Variants in CLIP2 observed in about 807,000 individuals in gnomAD.
The protein encoded by CLIP2 is CAP-Gly domain-containing linker protein 2.
Under a neutral mutation model 111.7 loss-of-function variants are expected in CLIP2, and 41 were observed. That is an observed-to-expected ratio of 0.37 (90% CI 0.29 to 0.48). The LOEUF (loss-of-function observed/expected upper bound fraction) is 0.48, where lower values mean the gene tolerates loss of function less well. Ranked by LOEUF, CLIP2 falls within the 20% of genes least tolerant of loss-of-function variation. The pLI is 0.99. For missense variants in CLIP2, 1,160 were observed against 1,422.1 expected, an observed-to-expected ratio of 0.82 and a Z score of 2.96; for synonymous variants, 660 against 644.2, an observed-to-expected ratio of 1.02 and a Z score of -0.37.
intron 5 of CLIP2, among the ~76,000 whole-genome samples, chr7:74,356,871 C>T (rs560839284): frequency 6.6e-6 from 1 of 152,234 alleles, no homozygotes; most frequent in Admixed American, 6.5e-5. Context: ...TATACAGATG[C>T]AGGGCAGGGA....
At chr7:74,368,466 G>A (rs992304638) in intron 8 of CLIP2, among the ~76,000 whole-genome samples, 2 of 151,728 alleles carry the variant, frequency 1.3e-5, no homozygotes, top group African/African-American at 4.8e-5. Context: ...GCAGTGAGCC[G>A]AGATCGCGTC....
chr7:74,376,102 C>T lies in CLIP2; in HGVS notation c.1701C>T (p.Tyr567=), dbSNP rs138546692. The change falls in exon 10 of 17, where the codon TAC becomes TAT. Residue 567 remains tyrosine, a synonymous_variant. Transcript: ENST00000223398. The surrounding 1 kb of genome is among the most constrained non-coding windows in gnomAD (Gnocchi z 7.1). ...AGAGTGGGGTGCTGCGGGATAAATA[C>T]GAGAAGGCCCTGAAGGCCTACCAGG... The part of the protein sequence containing the change: ...QRESGVLRDK[Y]EKALKAYQAE... 6.2e-6 allele frequency: 10 copies of T among 1,611,242 alleles called. No individual in the cohort carries two copies. The highest frequency in any genetic ancestry group is 2.2e-5 in the East Asian group (1 of 44,838).
chr7:74,394,300 G>C (rs1284392356), intron 13 of CLIP2, among the ~76,000 whole-genome samples: 1 of 145,742 alleles, frequency 6.9e-6, no homozygotes, highest in African/African-American at 2.6e-5. Flanking sequence ...GCCCAGGCTG[G>C]AGTGCAGTGG....
At chr7:74,294,601 C>T (rs1261851311) in intron 1 of CLIP2, among the ~76,000 whole-genome samples, 18 of 152,162 alleles carry the variant, frequency 1.2e-4, no homozygotes, top group Admixed American at 5.9e-4. Context: ...GGTTTTTCAG[C>T]GTCACCCCCG....
intron 3 of CLIP2, among the ~76,000 whole-genome samples, chr7:74,343,866 G>A (rs1243915648): frequency 6.6e-6 from 1 of 151,904 alleles, no homozygotes; most frequent in African/African-American, 2.4e-5. Context: ...TGGGACCACC[G>A]CACTCCAGCC....
chr7:74,296,527 C>T (rs756119828), intron 1 of CLIP2, among the ~76,000 whole-genome samples: 21 of 151,400 alleles, frequency 1.4e-4, no homozygotes, highest in Non-Finnish European at 2.7e-4. Context: ...CGGTGGCTCA[C>T]GCCTGTAATC....
rs1554732626 is a variant in CLIP2, at chr7:74,338,606, G to A, written c.280G>A (p.Val94Met). ...GTGGGTGAACGGCGTGAAGCCAGGC[G>A]TGGTGCAGTATCTGGGAGAGACGCA... The part of the protein sequence containing the change: ...RVWVNGVKPG[V>M]VQYLGETQFA... The change falls in exon 3 of 17, where the codon GTG becomes ATG. Residue 94 changes from valine (V) to methionine (M), a missense_variant. Coordinates refer to ENST00000223398, the MANE Select transcript of CLIP2 (RefSeq NM_003388.5). The surrounding 1 kb of genome is among the most constrained non-coding windows in gnomAD (Gnocchi z 4.3). 4.5e-6 allele frequency: 7 copies of A among 1,567,140 alleles called. No individual in the cohort carries two copies. The highest frequency in any genetic ancestry group is 3.8e-5 in the Admixed American group (2 of 52,462).
chr7:74,314,627 T>A (rs1398385676), intron 1 of CLIP2, among the ~76,000 whole-genome samples: 1 of 152,232 alleles, frequency 6.6e-6, no homozygotes, highest in Non-Finnish European at 1.5e-5. Context: ...ATGAGGATGC[T>A]TTTGCCTGGA....
Position 74,403,738 on chromosome 7 carries a change from C to T in CLIP2, c.3130-99C>T, listed in dbSNP as rs564667749. On this transcript the variant is annotated intron_variant, in intron 16 of 16. Coordinates refer to ENST00000223398, the MANE Select transcript of CLIP2 (RefSeq NM_003388.5). ...TGCAGTTCGCTCTATGCTCCTCCCC[C>T]ACCCGGCCCCAACTCCTTTCCTCCC... 3.1e-4 allele frequency: 383 copies of T among 1,235,810 alleles called. 1 individual carries two copies. In the East Asian group the frequency reaches 8.6e-3, roughly 28 times the overall value. The allele number at this position is 1,235,810 out of a possible 1,614,324, so 76.6% of individuals were successfully genotyped here.
chr7:74,372,667 C>T (rs538314671), intron 8 of CLIP2, among the ~76,000 whole-genome samples: 1 of 151,546 alleles, frequency 6.6e-6, no homozygotes, highest in Non-Finnish European at 1.5e-5. Context: ...CTTGCAGGCC[C>T]CCACCCCCCA....
At chr7:74,388,493 G>A (rs1554315234) in intron 12 of CLIP2, among the ~76,000 whole-genome samples, 8 of 147,694 alleles carry the variant, frequency 5.4e-5, no homozygotes, top group Non-Finnish European at 1.2e-4. Flanking sequence ...GCAAGACTCC[G>A]TCTCAAAAAA....
chr7:74,385,429 C>T (rs1554314617), intron 11 of CLIP2, among the ~76,000 whole-genome samples: 1 of 149,842 alleles, frequency 6.7e-6, no homozygotes, highest in Non-Finnish European at 1.5e-5. Flanking sequence ...TTGCACACTC[C>T]ACTCCAGCCT....
chr7:74,308,091 G>T (rs1788543903), intron 1 of CLIP2, among the ~76,000 whole-genome samples: 1 of 152,210 alleles, frequency 6.6e-6, no homozygotes, highest in South Asian at 2.1e-4. Flanking sequence ...TGATCCTGAG[G>T]TCTCTGTGGG....
chr7:74,356,715 T>G lies in CLIP2; in HGVS notation c.1017+92T>G, dbSNP rs115060727. On this transcript the variant is annotated intron_variant, in intron 5 of 16. Coordinates refer to ENST00000223398, the MANE Select transcript of CLIP2 (RefSeq NM_003388.5). Reference sequence around the variant, plus strand: ...CCAGGTGTTCTGGTCTGCCCCTGACTTACTCTAGTTCCAGTTTGGGATTTT... The same window carrying G: ...CCAGGTGTTCTGGTCTGCCCCTGACGTACTCTAGTTCCAGTTTGGGATTTT... The G allele has an allele frequency of 1.1e-4, 135 of 1,187,880 alleles. 1 individual carries two copies. In the African/African-American group the frequency reaches 1.7e-3, roughly 15 times the overall value. 73.6% of individuals were successfully genotyped at this position (1,187,880 alleles called of 1,614,324 possible).
intron 13 of CLIP2, among the ~76,000 whole-genome samples, chr7:74,395,019 A>G (rs537686556): frequency 2.4e-4 from 36 of 152,216 alleles, no homozygotes; most frequent in African/African-American, 8.2e-4. Flanking sequence ...TTTCCCTGTC[A>G]TCTGAAGCCA....
chr7:74,328,032 G>C (rs1789166601), intron 2 of CLIP2, among the ~76,000 whole-genome samples: 1 of 152,186 alleles, frequency 6.6e-6, no homozygotes, highest in Admixed American at 6.5e-5. Flanking sequence ...AGGACGGTGT[G>C]GGCTGCTGGA....
chr7:74,356,660 G>C lies in CLIP2; in HGVS notation c.1017+37G>C, dbSNP rs782291793. On this transcript the variant is annotated intron_variant, in intron 5 of 16. Coordinates refer to ENST00000223398, the MANE Select transcript of CLIP2 (RefSeq NM_003388.5). The stretch of plus-strand genomic sequence containing the variant: ...GCTGCAGAAGGGGATTCTCTGGTGT[G>C]CGTTTGGGAGGGGTGAGGATGTAAG... The C allele has an allele frequency of 1.3e-5, 21 of 1,568,080 alleles. No homozygotes were observed. In the Middle Eastern group the frequency reaches 5.1e-4, roughly 38 times the overall value.
In CLIP2 at chr7:74,360,272, A is replaced by G; in HGVS notation, c.1313A>G (p.Glu438Gly). 2 of 1,596,466 alleles carry G rather than the reference A, an allele frequency of 1.3e-6. No homozygotes were observed. Among genetic ancestry groups the G allele is most frequent in the Non-Finnish European group, 1.7e-6 (2 of 1,171,250 alleles). ...KVDLSNQLEE[E>G]RRKVEDLQFR... ...GACCTGTCCAACCAGCTGGAGGAGGAGAGGAGGTACGTGCTGGCCCACCCT... is the reference window on the plus strand; with the variant it reads ...GACCTGTCCAACCAGCTGGAGGAGGGGAGGAGGTACGTGCTGGCCCACCCT... Residue 438 changes from glutamate (E) to glycine (G), a missense_variant, in exon 7 of 17, where the codon GAG (glutamate) becomes GGG (glycine). Around this residue, in one of 5 missense-constraint regions of CLIP2, gnomAD observed 70 missense variants for 114.9 expected, o/e 0.61. Coordinates refer to ENST00000223398, the MANE Select transcript of CLIP2 (RefSeq NM_003388.5).
At chr7:74,291,169 G>A (rs1788005954) in intron 1 of CLIP2, among the ~76,000 whole-genome samples, 2 of 152,144 alleles carry the variant, frequency 1.3e-5, no homozygotes, top group South Asian at 4.1e-4. Flanking sequence ...TGGGATTCTG[G>A]CTTCAGGACA....
Sources: allele counts gnomAD v4.1 joint callset (sites outside exome capture counted in the v4.1 genomes callset), GRCh38; gene constraint gnomAD v4.1.1; regional missense constraint gnomAD v4.1.1; non-coding constraint Gnocchi (gnomAD v3.1); transcripts MANE v1.5; gene names NCBI Gene and HGNC (gene_info 2026-07-23, HGNC 2026-07-21).